Variants in NEB observed in about 807,000 individuals in gnomAD.
NEB encodes the protein nemaline myopathy type 2.
NEB carries 512 observed loss-of-function variants against 952.2 expected under a neutral mutation model. The observed-to-expected ratio is 0.54, with a 90% confidence interval of 0.50 to 0.58. The LOEUF (loss-of-function observed/expected upper bound fraction) is 0.58. Ranked by LOEUF, NEB falls within the 20% of genes least tolerant of loss-of-function variation. The probability of loss-of-function intolerance (pLI) is 0.00; values close to 1 mark genes in which losing one functional copy is unlikely to be tolerated. For synonymous variants in NEB, 2,900 were observed against 3,149.8 expected, an observed-to-expected ratio of 0.92 and a Z score of 2.66; for missense variants, 8,428 against 9,231.1, an observed-to-expected ratio of 0.91 and a Z score of 3.56.
rs76673047 is a variant in NEB at position 151,645,866 on chromosome 2, G to C, written c.7536+264C>G. 2.6e-3 allele frequency among the ~76,000 whole-genome samples: 392 copies of C among 152,290 alleles called. 4 individuals carry two copies. The highest frequency in any genetic ancestry group is 8.7e-3 in the African/African-American group (360 of 41,574). The stretch of plus-strand genomic sequence containing the variant: ...TGCAAAGAGTGCCTGTCCACACTGG[G>C]AAGAGCAATATAAGCCACCTTATGA... On this transcript the variant is annotated intron_variant, in intron 55 of 181. Coordinates refer to ENST00000397345, the MANE Select transcript of NEB (RefSeq NM_001164508.2).
At chr2:151,675,538 A>G in intron 34 of NEB, 147 bp from the exon 35 acceptor site, 1 of 596,620 alleles carries the variant, frequency 1.7e-6, no homozygotes, top group Non-Finnish European at 2.9e-6. Context: ...TAAAACAAGC[A>G]TCTTATTATC....
chr2:151,558,928 A>G (rs916908215), intron 124 of NEB, among the ~76,000 whole-genome samples: 4 of 152,222 alleles, frequency 2.6e-5, no homozygotes, highest in Non-Finnish European at 5.9e-5. Context: ...AGCAATGGCA[A>G]CAAAGGCCAT....
intron 3 of NEB, 96 bp from the exon 4 acceptor site, chr2:151,729,752 G>T: frequency 1.6e-6 from 2 of 1,266,462 alleles, no homozygotes; most frequent in Non-Finnish European, 2.3e-6. Context: ...GCACTAGCTC[G>T]GTTGATTTGG....
At chr2:151,605,907 A>T (rs1293205372) in intron 84 of NEB, among the ~76,000 whole-genome samples, 2 of 101,424 alleles carry the variant, frequency 2.0e-5, no homozygotes, top group African/African-American at 5.3e-5. Flanking sequence ...GGTTCAAGTG[A>T]TTCTCCTGCC....
At chr2:151,577,397 C>T (rs1276904849) in intron 105 of NEB, among the ~76,000 whole-genome samples, 1 of 152,192 alleles carries the variant, frequency 6.6e-6, no homozygotes, top group East Asian at 1.9e-4. Flanking sequence ...TGCCCCATGT[C>T]CTCCTAACCA....
At chr2:151,642,898 A>G (rs1380308763) in intron 58 of NEB, 29 bp from the exon 59 acceptor site, 2 of 1,505,704 alleles carry the variant, frequency 1.3e-6, no homozygotes, top group Non-Finnish European at 1.8e-6. Context: ...CATGACTGGT[A>G]TAGGCCAGTA....
chr2:151,557,067 A>G (rs774434342), intron 124 of NEB, among the ~76,000 whole-genome samples: 4 of 152,204 alleles, frequency 2.6e-5, no homozygotes, highest in Non-Finnish European at 4.4e-5. Context: ...AAAAAAATCA[A>G]TGAATCCAGG....
chr2:151,581,571 G>C lies in NEB; in HGVS notation c.16196C>G (p.Ala5399Gly), dbSNP rs765898753. The change falls in exon 103 of 182, where the codon GCC (alanine) becomes GGC (glycine). Residue 5399 changes from alanine (A) to glycine (G), a missense_variant. By Grantham distance (60) the Ala-to-Gly change is moderately conservative. Coordinates refer to ENST00000397345, the MANE Select transcript of NEB (RefSeq NM_001164508.2). ...VQISEPLYRD[A>G]WEKEKANVNV... is the part of the protein sequence containing the mutation. ...CACATTAGCCTTCTCTTTCTCCCAG[G>C]CATCGCGATACAATGGCTGGGAAAA... 7.8e-5 allele frequency: 72 copies of C among 924,654 alleles called. No individual in the cohort carries two copies. In the South Asian group the frequency reaches 1.1e-3, roughly 14 times the overall value. The allele number at this position is 924,654 out of a possible 1,614,324, so 57.3% of individuals were successfully genotyped here.
chr2:151,708,206 G>T (rs908517402), intron 12 of NEB, among the ~76,000 whole-genome samples: 4 of 152,098 alleles, frequency 2.6e-5, no homozygotes, highest in Non-Finnish European at 4.4e-5. Flanking sequence ...TGATGCTTTT[G>T]TTTCGTATCT....
At chr2:151,513,845 A>G (rs914846213) in intron 159 of NEB, among the ~76,000 whole-genome samples, 152 bp from the exon 160 acceptor site, 27 of 152,366 alleles carry the variant, frequency 1.8e-4, no homozygotes, top group African/African-American at 6.5e-4. Context: ...TCCGTGTGGT[A>G]GGATGAAGTG....
chr2:151,555,121 A>C, intron 124 of NEB, 77 bp from the exon 125 acceptor site: 1 of 1,062,844 alleles, frequency 9.4e-7, no homozygotes, highest in Non-Finnish European at 1.4e-6. Flanking sequence ...CATAAGACTT[A>C]ATGGGAAAAA....
chr2:151,491,940 A>G (rs1459596125), intron 178 of NEB, 158 bp downstream of exon 178: 2 of 995,242 alleles, frequency 2.0e-6, no homozygotes, highest in South Asian at 1.6e-5. Context: ...TAAGGTAGAA[A>G]TCAGCTTTGT....
intron 40 of NEB, among the ~76,000 whole-genome samples, chr2:151,667,444 T>C (rs1049402990): frequency 4.6e-5 from 7 of 152,162 alleles, no homozygotes; most frequent in Non-Finnish European, 1.0e-4. Flanking sequence ...AATAACGTAA[T>C]TGGCAATTAG....
Position 151,625,541 on chromosome 2 carries a change from T to C in NEB, c.10445A>G (p.Tyr3482Cys), listed in dbSNP as rs748513829. ...IMLARQNKINYSESLYRQAME... is the reference protein window; with the variant it reads ...IMLARQNKINCSESLYRQAME... ...TAAAACAAATGATCTTACCTCACTA[T>C]AATTTATTTTATTTTGTCTTGCCAA... Residue 3482 changes from tyrosine (Y) to cysteine (C), a missense_variant, in exon 71 of 182, where the codon TAT (tyrosine) becomes TGT (cysteine). By Grantham distance (194) the Tyr-to-Cys change is radical (BLOSUM62 -2). Coordinates refer to ENST00000397345, the MANE Select transcript of NEB (RefSeq NM_001164508.2). 1.1e-5 allele frequency: 17 copies of C among 1,589,046 alleles called. No individual in the cohort carries two copies. Among genetic ancestry groups the C allele is most frequent in the Non-Finnish European group, 1.3e-5 (15 of 1,160,480 alleles).
rs1377913775 is a variant in NEB at position 151,695,537 on chromosome 2, G to T, written c.1674+41C>A. 4 of 1,420,418 alleles carry T rather than the reference G, an allele frequency of 2.8e-6. No individual in the cohort carries two copies. The South Asian group carries it at 3.6e-5, about 13-fold the overall frequency. 88.0% of individuals were successfully genotyped at this position (1,420,418 alleles called of 1,614,324 possible). Reference sequence around the variant, plus strand: ...AAGCAGTTCAAACATAAAAGCACAGGTTGTCAGTACATCACATGGTACAGG... The same window carrying T: ...AAGCAGTTCAAACATAAAAGCACAGTTTGTCAGTACATCACATGGTACAGG... On this transcript the variant is annotated intron_variant, in intron 18 of 181. Transcript: ENST00000397345.
In NEB at chr2:151,639,978, C is replaced by T; in HGVS notation, c.8768G>A (p.Arg2923Lys). 1 of 1,613,914 alleles carries T rather than the reference C, an allele frequency of 6.2e-7. No individual in the cohort carries two copies. Among genetic ancestry groups the T allele is most frequent in the African/African-American group, 1.3e-5 (1 of 75,014 alleles). The change falls in exon 62 of 182, where the codon AGG (arginine) becomes AAG (lysine). Residue 2923 changes from arginine (R) to lysine (K), a missense_variant. Coordinates refer to ENST00000397345, the MANE Select transcript of NEB (RefSeq NM_001164508.2). ...TTTATCACTCAAAATTTCAGTTGCC[C>T]TTTTGCATTTTTCCACATCCAAAGA... The part of the protein sequence containing the change: ...IGSLDVEKCK[R>K]ATEILSDKIY...
intron 166 of NEB, 58 bp from the exon 167 acceptor site, chr2:151,502,943 A>G: frequency 9.4e-7 from 1 of 1,065,554 alleles, no homozygotes; most frequent in Non-Finnish European, 1.4e-6. Context: ...AGAGTAAGGA[A>G]GGAAGGAAAT....
chr2:151,551,587 T>C lies in NEB; in HGVS notation c.19944+151A>G, dbSNP rs1054717855. The C allele has an allele frequency of 1.1e-5, 7 of 633,596 alleles. No homozygotes were observed. The East Asian group carries it at 1.5e-4, about 14-fold the overall frequency. 39.2% of individuals were successfully genotyped at this position (633,596 alleles called of 1,614,324 possible). Reference sequence around the variant, plus strand: ...GGATCCTGGCAGCTAGGAGGAAAGATAGATTATGCTCTGTGTTTTTGTTTT... The same window carrying C: ...GGATCCTGGCAGCTAGGAGGAAAGACAGATTATGCTCTGTGTTTTTGTTTT... On this transcript the variant is annotated intron_variant, in intron 129 of 181. Coordinates refer to ENST00000397345, the MANE Select transcript of NEB (RefSeq NM_001164508.2).
chr2:151,665,271 C>G, intron 42 of NEB, 62 bp downstream of exon 42: 2 of 1,500,736 alleles, frequency 1.3e-6, no homozygotes, highest in Non-Finnish European at 1.8e-6. Context: ...GGGGCACTGC[C>G]AGGCTCAATG....
Sources: allele counts gnomAD v4.1 joint callset (sites outside exome capture counted in the v4.1 genomes callset), GRCh38; gene constraint gnomAD v4.1.1; transcripts MANE v1.5; gene names NCBI Gene and HGNC (gene_info 2026-07-23, HGNC 2026-07-21).